GAS2: variants seen among roughly 807,000 people sequenced by gnomAD.
GAS2 encodes growth arrest-specific protein 2.
In GAS2, 20 loss-of-function variants were observed where a neutral mutation model predicts 37.5. The observed-to-expected ratio is 0.53, with a 90% confidence interval of 0.37 to 0.77. The LOEUF (loss-of-function observed/expected upper bound fraction) is 0.77. GAS2 is among the 30% of genes least tolerant of loss of function. GAS2 has a pLI of 0.00. For synonymous variants in GAS2, 144 were observed against 132.2 expected, an observed-to-expected ratio of 1.09 and a Z score of -0.61; for missense variants, 336 against 373.4, an observed-to-expected ratio of 0.90 and a Z score of 0.82.
rs552893737 is a variant in GAS2 at position 22,752,347 on chromosome 11, T to A, written c.615+3086T>A. 4.0e-5 allele frequency among the ~76,000 whole-genome samples: 6 copies of A among 150,870 alleles called. No individual in the cohort carries two copies. In the East Asian group the frequency reaches 1.2e-3, roughly 29 times the overall value. ...AACTATTTGCATTCTGTTTGATAGG[T>A]TTTTTTTTACTGAAGTGTTTTATTT... On this transcript the variant is annotated intron_variant, in intron 6 of 7. Transcript: ENST00000454584.
At chr11:22,649,716 T>G (rs1324561463) in intron 1 of GAS2, among the ~76,000 whole-genome samples, 4 of 152,228 alleles carry the variant, frequency 2.6e-5, no homozygotes, top group African/African-American at 4.8e-5. Context: ...GAGGTGTTTG[T>G]AGTATTCTCT....
chr11:22,776,497 G>A (rs1006333885), intron 7 of GAS2, among the ~76,000 whole-genome samples: 3 of 152,132 alleles, frequency 2.0e-5, no homozygotes, highest in Admixed American at 1.3e-4. Context: ...TGGCAGCTTC[G>A]GCCAGAGTGA....
At chr11:22,735,224 C>CCTT (rs1852686521) in intron 4 of GAS2, among the ~76,000 whole-genome samples, 1 of 109,208 alleles carries the variant, frequency 9.2e-6, no homozygotes, top group African/African-American at 3.7e-5. Context: ...ACCAATCATT[C>CCTT]TTTTTTTTTT....
chr11:22,710,075 A>G (rs1005325883), intron 3 of GAS2, among the ~76,000 whole-genome samples: 48 of 152,088 alleles, frequency 3.2e-4, no homozygotes, highest in Non-Finnish European at 5.6e-4. Flanking sequence ...TGATGAGTTA[A>G]TGGGTGCAGC....
chr11:22,734,043 C>G (rs773115600), intron 4 of GAS2, among the ~76,000 whole-genome samples: 2 of 151,702 alleles, frequency 1.3e-5, no homozygotes, highest in Non-Finnish European at 3.0e-5. Context: ...ATGAGTAGTA[C>G]ATATGACTGC....
intron 7 of GAS2, among the ~76,000 whole-genome samples, chr11:22,801,648 C>T (rs890276956): frequency 3.3e-5 from 5 of 152,070 alleles, no homozygotes; most frequent in South Asian, 2.1e-4. Flanking sequence ...TAACACAGCT[C>T]CTTAATTCTA....
Position 22,761,226 on chromosome 11 carries a change from A to G in GAS2, c.723+5273A>G, listed in dbSNP as rs554397522. On this transcript the variant is annotated intron_variant, in intron 7 of 7. Coordinates refer to ENST00000454584, the MANE Select transcript of GAS2 (RefSeq NM_001143830.3). ...AGTTTTTTCTCTACTAATCATTACAATTTTAACCATTTGGTGTTCCATTCC... is the reference window on the plus strand; with the variant it reads ...AGTTTTTTCTCTACTAATCATTACAGTTTTAACCATTTGGTGTTCCATTCC... 1.8e-3 allele frequency among the ~76,000 whole-genome samples: 269 copies of G among 152,252 alleles called. 1 individual carries two copies. Among genetic ancestry groups the G allele is most frequent in the African/African-American group, 6.1e-3 (255 of 41,564 alleles).
intron 7 of GAS2, among the ~76,000 whole-genome samples, chr11:22,811,077 C>T (rs1857137579): frequency 6.6e-6 from 1 of 152,064 alleles, no homozygotes; most frequent in South Asian, 2.1e-4. Flanking sequence ...TGTCAAACCT[C>T]CATGATATAT....
intron 1 of GAS2, among the ~76,000 whole-genome samples, chr11:22,647,876 C>T (rs1482284423): frequency 6.6e-6 from 1 of 152,102 alleles, no homozygotes; most frequent in Non-Finnish European, 1.5e-5. Context: ...TGTGGGTTGC[C>T]TGTTCACTCT....
At chr11:22,656,562 C>G (rs1848857237) in intron 1 of GAS2, among the ~76,000 whole-genome samples, 1 of 152,152 alleles carries the variant, frequency 6.6e-6, no homozygotes, top group Non-Finnish European at 1.5e-5. Flanking sequence ...TTAAGAAAAA[C>G]TTAAAAGCAT....
At chr11:22,628,427 T>G (rs1301123194) in intron 1 of GAS2, among the ~76,000 whole-genome samples, 2 of 152,160 alleles carry the variant, frequency 1.3e-5, no homozygotes, top group Non-Finnish European at 2.9e-5. Context: ...GTGTGTACTG[T>G]GTGCCATGAA....
intron 7 of GAS2, among the ~76,000 whole-genome samples, chr11:22,764,433 G>A (rs896001127): frequency 6.6e-6 from 1 of 151,768 alleles, no homozygotes; most frequent in Non-Finnish European, 1.5e-5. Context: ...GGTGGCAGGC[G>A]ACTGTAGTCC....
At chr11:22,713,495 G>A (rs192347843) in intron 3 of GAS2, among the ~76,000 whole-genome samples, 20 of 152,154 alleles carry the variant, frequency 1.3e-4, no homozygotes, top group Non-Finnish European at 2.1e-4. Flanking sequence ...AATACAAGAA[G>A]CTCTAAAGAA....
chr11:22,703,633 A>G (rs1222241311), intron 3 of GAS2, among the ~76,000 whole-genome samples: 1 of 152,132 alleles, frequency 6.6e-6, no homozygotes. Flanking sequence ...AGCACTCACC[A>G]TATTTATGTG....
chr11:22,647,134 CATT>C, intron 1 of GAS2, among the ~76,000 whole-genome samples: 1 of 141,506 alleles, frequency 7.1e-6, no homozygotes, highest in East Asian at 2.2e-4. Context: ...CATGTGTTCT[CATT>C]GTTCAATTCC....
chr11:22,666,177 C>T (rs1848982558), upstream of GAS2, among the ~76,000 whole-genome samples: 1 of 152,142 alleles, frequency 6.6e-6, no homozygotes, highest in East Asian at 1.9e-4. Flanking sequence ...TGAGCTGAGG[C>T]TGAAAGAAGG....
At chr11:22,773,575 A>G (rs961807178) in intron 7 of GAS2, among the ~76,000 whole-genome samples, 1 of 151,686 alleles carries the variant, frequency 6.6e-6, no homozygotes, top group South Asian at 2.1e-4. Flanking sequence ...TTGTATTTTT[A>G]GTAGAGACGG....
chr11:22,725,842 C>T (rs1429027689), intron 3 of GAS2, among the ~76,000 whole-genome samples: 1 of 152,044 alleles, frequency 6.6e-6, no homozygotes, highest in Non-Finnish European at 1.5e-5. Context: ...GTAATTTTTA[C>T]AGTATGTGTT....
chr11:22,747,416 G>T (rs114133860), intron 5 of GAS2, among the ~76,000 whole-genome samples: 2,097 of 152,120 alleles, frequency 0.014, 55 homozygotes, highest in African/African-American at 0.048. Flanking sequence ...TTTAGCAAGT[G>T]ATATCTATGT....
Sources: allele counts gnomAD v4.1 joint callset (sites outside exome capture counted in the v4.1 genomes callset), GRCh38; gene constraint gnomAD v4.1.1; transcripts MANE v1.5; gene names NCBI Gene and HGNC (gene_info 2026-07-23, HGNC 2026-07-21).